Variants in KCNN2 observed in about 807,000 individuals in gnomAD.
The protein encoded by KCNN2 is potassium calcium-activated channel subfamily N member 2.
Under a neutral mutation model 55.5 loss-of-function variants are expected in KCNN2, and 24 were observed. That is an observed-to-expected ratio of 0.43 (90% confidence interval 0.31 to 0.61). The LOEUF (loss-of-function observed/expected upper bound fraction) is 0.61, where lower values mean the gene tolerates loss of function less well. Among genes scored for constraint, KCNN2 ranks in the 20% least tolerant of loss-of-function variants. KCNN2 has a pLI of 0.08. For synonymous variants in KCNN2, 431 were observed against 336.1 expected (o/e 1.28, Z -3.09); for missense variants, 754 against 853.6 (o/e 0.88, Z 1.45).
intron 1 of KCNN2, among the ~76,000 whole-genome samples, chr5:114,191,243 AGAGAT>A (rs1267537343): frequency 6.6e-6 from 1 of 152,188 alleles, no homozygotes; most frequent in Non-Finnish European, 1.5e-5. Context: ...AACTACTGTT[AGAGAT>A]GTTTTACCTT....
intron 1 of KCNN2, among the ~76,000 whole-genome samples, chr5:114,113,620 C>T (rs1751649649): frequency 6.6e-6 from 1 of 152,026 alleles, no homozygotes; most frequent in Admixed American, 6.6e-5. Context: ...ATTTATGTAC[C>T]ATTTTTAACA....
At chr5:114,495,872 T>G (rs755036141) in intron 7 of KCNN2, 23 bp from the exon 8 acceptor site, 3 of 1,605,252 alleles carry the variant, frequency 1.9e-6, no homozygotes, top group South Asian at 2.2e-5. Context: ...ATAATTAACC[T>G]TCTTCTCAAT....
At chr5:114,210,654 T>C (rs561321462) in intron 1 of KCNN2, among the ~76,000 whole-genome samples, 110 of 152,320 alleles carry the variant, frequency 7.2e-4, no homozygotes, top group Non-Finnish European at 1.2e-3. Flanking sequence ...AATGCTATAG[T>C]AATTTTTAAA....
chr5:114,274,642 T>C (rs1463677337), intron 2 of KCNN2, among the ~76,000 whole-genome samples: 2 of 152,188 alleles, frequency 1.3e-5, no homozygotes, highest in Non-Finnish European at 2.9e-5. Flanking sequence ...TGTTTGTCTG[T>C]TATTGGTATA....
At chr5:114,090,849 C>T (rs560006684) in intron 1 of KCNN2, among the ~76,000 whole-genome samples, 1 of 151,906 alleles carries the variant, frequency 6.6e-6, no homozygotes, top group Non-Finnish European at 1.5e-5. Context: ...CTCTGCCCCC[C>T]ACCCTTTTTT....
At chr5:114,400,170 T>C (rs1023380616) in intron 2 of KCNN2, among the ~76,000 whole-genome samples, 4 of 152,164 alleles carry the variant, frequency 2.6e-5, no homozygotes, top group African/African-American at 9.7e-5. Context: ...TGGGTTGGTT[T>C]GCTCTTGTTT....
intron 2 of KCNN2, among the ~76,000 whole-genome samples, chr5:114,225,124 C>T (rs908325987): frequency 2.0e-5 from 3 of 151,946 alleles, no homozygotes; most frequent in South Asian, 2.1e-4. Context: ...TAATTGATAT[C>T]AAAGAAAGGA....
chr5:114,271,174 G>A (rs1017850406), intron 2 of KCNN2, among the ~76,000 whole-genome samples: 1 of 152,090 alleles, frequency 6.6e-6, no homozygotes, highest in Non-Finnish European at 1.5e-5. Flanking sequence ...TGCTTTTACA[G>A]AGTGCTGATT....
In KCNN2 at chr5:114,362,714, C is replaced by CGCACCACCA. The variant is rs1209369310; in HGVS notation, c.587_595dup (p.His196_Gln198dup). 26 of 1,502,212 alleles carry CGCACCACCA rather than the reference C, an allele frequency of 1.7e-5. No individual in the cohort carries two copies. Among genetic ancestry groups the CGCACCACCA allele is most frequent in the African/African-American group, 5.6e-5 (4 of 71,982 alleles). The allele number at this position is 1,502,212 out of a possible 1,614,324, so 93.1% of individuals were successfully genotyped here. ...CACCACCACCACCACCCGCACCCGG[C>CGCACCACCA]GCACCACCAGCACCACCAGCCCCAG... is the stretch of plus-strand genomic sequence containing the variant. On this transcript the variant is annotated inframe_insertion, in exon 1 of 8. Transcript: ENST00000673685.
chr5:114,433,078 G>A (rs780001456), intron 3 of KCNN2, among the ~76,000 whole-genome samples: 2 of 152,186 alleles, frequency 1.3e-5, no homozygotes, highest in South Asian at 2.1e-4. Context: ...CGCACAGCAC[G>A]GGACTGGCAG....
chr5:114,171,560 C>T (rs902142083), intron 1 of KCNN2, among the ~76,000 whole-genome samples: 2 of 151,892 alleles, frequency 1.3e-5, no homozygotes, highest in African/African-American at 4.8e-5. Flanking sequence ...ATGTTTAGGA[C>T]TTATCGCTCT....
chr5:114,339,868 A>C (rs190617063), intron 2 of KCNN2, among the ~76,000 whole-genome samples: 1 of 152,158 alleles, frequency 6.6e-6, no homozygotes, highest in African/African-American at 2.4e-5. Flanking sequence ...ATATATGGCA[A>C]TATTGGGCCC....
intron 1 of KCNN2, among the ~76,000 whole-genome samples, chr5:114,147,546 C>T (rs560029411): frequency 3.7e-4 from 57 of 152,282 alleles, no homozygotes; most frequent in African/African-American, 1.3e-3. Context: ...AAAGGAAAAA[C>T]TAAATTTGTA....
intron 2 of KCNN2, among the ~76,000 whole-genome samples, chr5:114,352,128 T>G (rs191654129): frequency 3.5e-4 from 53 of 151,844 alleles, no homozygotes; most frequent in Middle Eastern, 3.4e-3. Context: ...CCATTCAAAT[T>G]TTCTACTTAA....
chr5:114,420,324 A>G (rs1759436650), intron 3 of KCNN2, among the ~76,000 whole-genome samples: 1 of 152,256 alleles, frequency 6.6e-6, no homozygotes, highest in East Asian at 1.9e-4. Flanking sequence ...CAGTAGCTCC[A>G]GGCTAGTTAT....
At chr5:114,133,477 C>T (rs1561489051) in intron 1 of KCNN2, among the ~76,000 whole-genome samples, 1 of 152,158 alleles carries the variant, frequency 6.6e-6, no homozygotes, top group Non-Finnish European at 1.5e-5. Context: ...AGTCAGGGAG[C>T]TCAACTCTGT....
chr5:114,353,826 T>C (rs1757253715), intron 2 of KCNN2, among the ~76,000 whole-genome samples: 1 of 151,988 alleles, frequency 6.6e-6, no homozygotes, highest in African/African-American at 2.4e-5. Context: ...ATTGGTGCTC[T>C]CCTGTACTTG....
chr5:114,126,771 A>T (rs1751941625), intron 1 of KCNN2, among the ~76,000 whole-genome samples: 1 of 152,198 alleles, frequency 6.6e-6, no homozygotes, highest in South Asian at 2.1e-4. Context: ...CATCTGAGAC[A>T]AGGCAAGTCC....
rs570968954 is a variant in KCNN2 at position 114,385,950 on chromosome 5, G to A, written c.1219-18488G>A. On this transcript the variant is annotated intron_variant, in intron 2 of 7. Coordinates refer to ENST00000673685, the MANE Select transcript of KCNN2 (RefSeq NM_021614.4). The stretch of plus-strand genomic sequence containing the variant: ...TCCCAACACTTTGGGAGGCCGAGGC[G>A]GGCGGATCGTGAGGTCAGGAAATCG... Among the ~76,000 whole-genome samples the A allele has an allele frequency of 8.8e-4, 133 of 151,716 alleles. 2 individuals carry two copies. The highest frequency in any genetic ancestry group is 3.0e-3 in the African/African-American group (122 of 41,348).
Sources: allele counts gnomAD v4.1 joint callset (sites outside exome capture counted in the v4.1 genomes callset), GRCh38; gene constraint gnomAD v4.1.1; transcripts MANE v1.5; gene names NCBI Gene and HGNC (gene_info 2026-07-23, HGNC 2026-07-21).